INTS12: variants seen among roughly 807,000 people sequenced by gnomAD.
INTS12 encodes the protein integrator complex subunit 12.
Under a neutral mutation model 41.6 loss-of-function variants are expected in INTS12, and 13 were observed. That is an observed-to-expected ratio of 0.31 (90% confidence interval 0.20 to 0.50). INTS12 has a LOEUF of 0.50. Ranked by LOEUF, INTS12 falls within the 20% of genes least tolerant of loss-of-function variation. INTS12 has a pLI of 0.98. For missense variants in INTS12, 432 were observed against 541.6 expected, an observed-to-expected ratio of 0.80 and a Z score of 2.01; for synonymous variants, 199 against 191.4, an observed-to-expected ratio of 1.04 and a Z score of -0.33.
intron 1 of INTS12, chr4:105,706,262 T>G (rs1732258905): frequency 6.7e-6 from 1 of 148,904 alleles, no homozygotes; most frequent in African/African-American, 2.5e-5. Flanking sequence ...CTCTTTTTTT[T>G]TTTTTTTTTT....
At chr4:105,694,084 C>T (rs1242839291) in intron 4 of INTS12, among the ~76,000 whole-genome samples, 9 of 152,226 alleles carry the variant, frequency 5.9e-5, no homozygotes, top group African/African-American at 2.2e-4. Flanking sequence ...TATAAAGTAG[C>T]TCACTCAAAC....
intron 1 of INTS12, chr4:105,706,277 A>ATTT (rs1732259616): frequency 1.1e-5 from 1 of 93,634 alleles, no homozygotes; most frequent in African/African-American, 4.4e-5. Context: ...TTTTTTTTTG[A>ATTT]GACATGGTCT....
At position 105,682,732 on chromosome 4, in the gene INTS12, A is replaced by G; in HGVS notation, c.*1T>C. 2 of 1,611,924 alleles carry G rather than the reference A, an allele frequency of 1.2e-6. No individual in the cohort carries two copies. The highest frequency in any genetic ancestry group is 1.7e-6 in the Non-Finnish European group (2 of 1,178,436). On this transcript the variant is annotated 3_prime_UTR_variant, in exon 8 of 8. Coordinates refer to ENST00000340139, the MANE Select transcript of INTS12 (RefSeq NM_020395.4). ...ATGATACAAAAACCTACTTGGCCAC[A>G]TTACTTCTTGAGTTTCTTTTGGGCA...
intron 3 of INTS12, among the ~76,000 whole-genome samples, 180 bp from the exon 4 acceptor site, chr4:105,695,848 TTTTTTA>T (rs1406534423): frequency 2.0e-5 from 3 of 152,306 alleles, no homozygotes; most frequent in African/African-American, 7.2e-5. Flanking sequence ...AAACTGTACC[TTTTTTA>T]TTTTTATTTT....
chr4:105,699,564 A>G (rs1731985605), intron 3 of INTS12, among the ~76,000 whole-genome samples: 2 of 152,204 alleles, frequency 1.3e-5, no homozygotes, highest in African/African-American at 4.8e-5. Flanking sequence ...GCTTAAAAAA[A>G]ATTCTGATCA....
intron 3 of INTS12, among the ~76,000 whole-genome samples, chr4:105,696,836 C>T (rs1731884916): frequency 6.6e-6 from 1 of 152,144 alleles, no homozygotes; most frequent in Non-Finnish European, 1.5e-5. Context: ...GTTCCAGTTC[C>T]TTCCCATCCT....
intron 6 of INTS12, among the ~76,000 whole-genome samples, chr4:105,691,033 A>G (rs1400392013): frequency 6.6e-6 from 1 of 152,196 alleles, no homozygotes; most frequent in Non-Finnish European, 1.5e-5. Context: ...TTCATTTACT[A>G]CTTTTTATTT....
chr4:105,682,997 G>A lies in INTS12; in HGVS notation c.1125C>T (p.Arg375=). The A allele has an allele frequency of 6.2e-7, 1 of 1,614,116 alleles. No homozygotes were observed. The highest frequency in any genetic ancestry group is 8.5e-7 in the Non-Finnish European group (1 of 1,179,960). ...TGCTGACATTGTCACAACTAACTGAGCGACTAAGGCCAGTTTTACCCAAGG... is the reference window on the plus strand; with the variant it reads ...TGCTGACATTGTCACAACTAACTGAACGACTAAGGCCAGTTTTACCCAAGG... ...PLTLGKTGLS[R]SVSCDNVSKV... is the part of the protein sequence containing the mutation. The change falls in exon 8 of 8, where the codon CGC becomes CGT. Residue 375 remains arginine (R), a synonymous_variant. Transcript: ENST00000340139.
At chr4:105,695,390 T>C (rs962679311) in intron 4 of INTS12, 126 bp downstream of exon 4, 18 of 629,562 alleles carry the variant, frequency 2.9e-5, no homozygotes, top group African/African-American at 2.5e-4. Context: ...ATATATTCAC[T>C]GAGTGTTGAT....
intron 5 of INTS12, among the ~76,000 whole-genome samples, chr4:105,692,717 T>C (rs146521085): frequency 6.4e-4 from 98 of 152,164 alleles, no homozygotes; most frequent in Non-Finnish European, 1.3e-3. Context: ...TGCCTTTCTC[T>C]CAGAAGGTAG....
chr4:105,695,066 C>T (rs1314467151), intron 4 of INTS12, among the ~76,000 whole-genome samples: 2 of 132,440 alleles, frequency 1.5e-5, no homozygotes, highest in Non-Finnish European at 3.2e-5. Context: ...ACAGCTGGGA[C>T]TACAGGTGCA....
chr4:105,706,807 A>C (rs147906829), intron 1 of INTS12, among the ~76,000 whole-genome samples: 1,672 of 152,186 alleles, frequency 0.011, 23 homozygotes, highest in African/African-American at 0.037. Context: ...TATTTTTCAC[A>C]CTTGTCCTAC....
chr4:105,687,237 C>T (rs972689841), intron 6 of INTS12, among the ~76,000 whole-genome samples: 5 of 152,038 alleles, frequency 3.3e-5, no homozygotes, highest in African/African-American at 4.8e-5. Flanking sequence ...AGGCATAAGT[C>T]GACTCCTCAG....
At chr4:105,697,341 T>C (rs1488389181) in intron 3 of INTS12, among the ~76,000 whole-genome samples, 1 of 152,202 alleles carries the variant, frequency 6.6e-6, no homozygotes, top group Non-Finnish European at 1.5e-5. Context: ...TCTATTTTAC[T>C]GTGATAATAT....
intron 1 of INTS12, among the ~76,000 whole-genome samples, chr4:105,707,470 A>T (rs1359173556): frequency 1.3e-5 from 2 of 152,152 alleles, no homozygotes; most frequent in African/African-American, 4.8e-5. Context: ...AAGTGATCAA[A>T]GTATAGTGGT....
intron 7 of INTS12, among the ~76,000 whole-genome samples, chr4:105,685,639 A>G (rs1392321611): frequency 6.6e-6 from 1 of 152,048 alleles, no homozygotes; most frequent in Non-Finnish European, 1.5e-5. Flanking sequence ...TTCTCAGGTC[A>G]ATCTTTGAGA....
chr4:105,684,181 C>T (rs1376024480), intron 7 of INTS12, among the ~76,000 whole-genome samples: 4 of 152,100 alleles, frequency 2.6e-5, no homozygotes, highest in Non-Finnish European at 2.9e-5. Context: ...CACAATGGTA[C>T]CAATGCCACT....
intron 6 of INTS12, among the ~76,000 whole-genome samples, chr4:105,689,049 C>T (rs1731590134): frequency 1.3e-5 from 2 of 152,236 alleles, no homozygotes; most frequent in Admixed American, 6.5e-5. Context: ...AAAAACCCCA[C>T]CTATTTCTAA....
chr4:105,694,996 C>T (rs1731809838), intron 4 of INTS12, among the ~76,000 whole-genome samples: 1 of 152,034 alleles, frequency 6.6e-6, no homozygotes, highest in African/African-American at 2.4e-5. Context: ...ACGATCACCG[C>T]TCACTGCAAT....
Sources: gnomAD v4.1 joint callset for allele counts (sites outside exome capture counted in the v4.1 genomes callset) on GRCh38, gnomAD v4.1.1 for gene constraint, MANE v1.5 for transcripts, NCBI Gene and HGNC (gene_info 2026-07-23, HGNC 2026-07-21) for gene names.